The following WDR70 variants were observed in gnomAD, a reference collection of about 807,000 sequenced individuals.
WDR70 encodes WD repeat-containing protein 70.
WDR70 carries 53 observed loss-of-function variants against 88.6 expected under a neutral mutation model. The ratio of observed to expected loss-of-function variants is 0.60; its 90% CI spans 0.48 to 0.75. The LOEUF (loss-of-function observed/expected upper bound fraction) is 0.75, where lower values mean the gene tolerates loss of function less well. Ranked by LOEUF, WDR70 falls within the 30% of genes least tolerant of loss-of-function variation. The pLI is 0.00. For missense variants in WDR70, 610 were observed against 823.2 expected (o/e 0.74, Z 3.17); for synonymous variants, 280 against 270.0 (o/e 1.04, Z -0.36).
At chr5:37,534,499 CT>C (rs369030841) in intron 9 of WDR70, among the ~76,000 whole-genome samples, 78 of 133,142 alleles carry the variant, frequency 5.9e-4, no homozygotes, top group Middle Eastern at 3.8e-3. Flanking sequence ...ACAAATCAGG[CT>C]TTTTTTTTTT....
In WDR70 at chr5:37,676,561, G is replaced by A. The variant is rs1226162228; in HGVS notation, c.1093-21094G>A. ...TTATTGATTTGCGTATATTGAACCA[G>A]CCTTGCATCCCAGGGATGAAGCCCA... On this transcript the variant is annotated intron_variant, in intron 10 of 17. Transcript: ENST00000265107. Among the ~76,000 whole-genome samples, 5 of 152,110 alleles carry A rather than the reference G, an allele frequency of 3.3e-5. No homozygotes were observed. The East Asian group carries it at 5.8e-4, about 18-fold the overall frequency.
intron 5 of WDR70, among the ~76,000 whole-genome samples, chr5:37,415,863 A>C (rs1448327528): frequency 4.0e-5 from 5 of 124,186 alleles, no homozygotes; most frequent in South Asian, 2.8e-4. Context: ...CGCTCCTCAC[A>C]TCCCAGACGG....
At chr5:37,630,632 G>C (rs1367553083) in intron 10 of WDR70, among the ~76,000 whole-genome samples, 1 of 152,144 alleles carries the variant, frequency 6.6e-6, no homozygotes, top group Non-Finnish European at 1.5e-5. Context: ...GGCCCCAGGA[G>C]TTGGTTACCT....
chr5:37,544,185 A>G (rs1741917279), intron 9 of WDR70, among the ~76,000 whole-genome samples: 1 of 152,228 alleles, frequency 6.6e-6, no homozygotes, highest in Admixed American at 6.5e-5. Context: ...TGGATTATAC[A>G]TAACAGGATT....
intron 10 of WDR70, among the ~76,000 whole-genome samples, chr5:37,675,382 C>T (rs1746172023): frequency 6.6e-6 from 1 of 152,076 alleles, no homozygotes; most frequent in African/African-American, 2.4e-5. Context: ...ACGTTTAAGT[C>T]TTTAATCCAT....
chr5:37,387,412 T>C (rs1392596333), intron 3 of WDR70, among the ~76,000 whole-genome samples: 1 of 152,208 alleles, frequency 6.6e-6, no homozygotes, highest in Non-Finnish European at 1.5e-5. Context: ...TATTAAATTT[T>C]TAAATTTTTG....
chr5:37,742,467 T>TTATA (rs537551808), intron 17 of WDR70, among the ~76,000 whole-genome samples: 48 of 152,146 alleles, frequency 3.2e-4, no homozygotes, highest in Non-Finnish European at 4.3e-4. Context: ...TAGGAGTTCT[T>TTATA]TATATATTCT....
intron 17 of WDR70, among the ~76,000 whole-genome samples, chr5:37,746,929 T>A (rs1748653040): frequency 6.6e-6 from 1 of 152,128 alleles, no homozygotes; most frequent in Middle Eastern, 3.2e-3. Flanking sequence ...GAAGCCAGCA[T>A]CATCTTGATA....
chr5:37,707,118 T>A (rs1200987656), intron 13 of WDR70, among the ~76,000 whole-genome samples: 1 of 152,230 alleles, frequency 6.6e-6, no homozygotes, highest in Non-Finnish European at 1.5e-5. Context: ...AGCTTGGTAG[T>A]TTTTCAACAA....
intron 5 of WDR70, among the ~76,000 whole-genome samples, chr5:37,414,924 C>T (rs572854265): frequency 7.5e-6 from 1 of 133,096 alleles, no homozygotes; most frequent in Admixed American, 6.9e-5. Context: ...GCAGAGGACC[C>T]TGCGGCCTTC....
At chr5:37,395,827 G>A (rs1748994682) in intron 4 of WDR70, among the ~76,000 whole-genome samples, 1 of 151,988 alleles carries the variant, frequency 6.6e-6, no homozygotes, top group Admixed American at 6.6e-5. Context: ...TTTTGAGACA[G>A]GGTCTCACTG....
At chr5:37,381,940 C>A (rs975680244) in intron 3 of WDR70, 1 of 332,440 alleles carries the variant, frequency 3.0e-6, no homozygotes, top group South Asian at 2.6e-5. Context: ...GTAATCCCAG[C>A]TAGTCGTGAG....
At chr5:37,391,467 T>C (rs958380101) in intron 3 of WDR70, among the ~76,000 whole-genome samples, 4 of 152,232 alleles carry the variant, frequency 2.6e-5, no homozygotes, top group Admixed American at 2.6e-4. Flanking sequence ...GTCTCTGACT[T>C]TGACTACTCT....
intron 9 of WDR70, among the ~76,000 whole-genome samples, chr5:37,589,193 G>A (rs781794): frequency 0.77 from 116,055 of 150,970 alleles, 45,055 homozygotes; most frequent in African/African-American, 0.88. Flanking sequence ...GTGCCCAGCT[G>A]GATCATTGAT....
chr5:37,442,948 T>G (rs1382855444), intron 6 of WDR70, among the ~76,000 whole-genome samples: 1 of 152,232 alleles, frequency 6.6e-6, no homozygotes, highest in East Asian at 1.9e-4. Context: ...TTAGTTTATC[T>G]TATGGAATTG....
chr5:37,491,902 A>G (rs561501829), intron 8 of WDR70, among the ~76,000 whole-genome samples: 2 of 152,314 alleles, frequency 1.3e-5, no homozygotes, highest in South Asian at 4.1e-4. Flanking sequence ...ATATTTACAG[A>G]AACTTTAATA....
At chr5:37,565,481 A>G (rs1742711120) in intron 9 of WDR70, among the ~76,000 whole-genome samples, 1 of 152,110 alleles carries the variant, frequency 6.6e-6, no homozygotes. Context: ...TTTTGCTGCA[A>G]AAGTCATTCC....
chr5:37,405,741 C>T (rs577054411), intron 5 of WDR70, among the ~76,000 whole-genome samples: 7 of 151,842 alleles, frequency 4.6e-5, no homozygotes, highest in Non-Finnish European at 8.8e-5. Context: ...TTTATTTTAC[C>T]TCATCTCAAA....
intron 10 of WDR70, among the ~76,000 whole-genome samples, chr5:37,668,234 AT>A (rs960997305): frequency 1.3e-5 from 2 of 152,108 alleles, no homozygotes; most frequent in African/African-American, 4.8e-5. Context: ...TAGTTGTATC[AT>A]TTTTTTCCCA....
Sources: allele counts gnomAD v4.1 joint callset (sites outside exome capture counted in the v4.1 genomes callset), GRCh38; gene constraint gnomAD v4.1.1; transcripts MANE v1.5; gene names NCBI Gene and HGNC (gene_info 2026-07-23, HGNC 2026-07-21).